The following SLC25A26 variants were observed in gnomAD, a reference collection of about 807,000 sequenced individuals.
The protein encoded by SLC25A26 is mitochondrial S-adenosylmethionine carrier protein.
SLC25A26 carries 36 observed loss-of-function variants against 37.8 expected under a neutral mutation model. The ratio of observed to expected loss-of-function variants is 0.95; its 90% CI spans 0.73 to 1.26. The LOEUF (loss-of-function observed/expected upper bound fraction) is 1.26. Ranked by LOEUF, SLC25A26 falls within the 50% of genes most tolerant of loss-of-function variation. The pLI, the probability that SLC25A26 is intolerant of heterozygous loss-of-function variation, is 0.00. For synonymous variants in SLC25A26, 129 were observed against 122.5 expected, an observed-to-expected ratio of 1.05 and a Z score of -0.35; for missense variants, 390 against 331.1, an observed-to-expected ratio of 1.18 and a Z score of -1.38.
At chr3:66,348,699 G>A (rs924677006) in intron 6 of SLC25A26, among the ~76,000 whole-genome samples, 2 of 152,202 alleles carry the variant, frequency 1.3e-5, no homozygotes, top group African/African-American at 4.8e-5. Flanking sequence ...ATTATGAGAT[G>A]TTAAGTATCA....
chr3:66,283,902 T>C (rs2074425554), intron 5 of SLC25A26, among the ~76,000 whole-genome samples: 1 of 152,258 alleles, frequency 6.6e-6, no homozygotes, highest in South Asian at 2.1e-4. Flanking sequence ...TTTTCTTTAA[T>C]GTTTCGATAA....
intron 1 of SLC25A26, among the ~76,000 whole-genome samples, chr3:66,234,921 A>C (rs1002826093): frequency 6.6e-6 from 1 of 152,260 alleles, no homozygotes; most frequent in Non-Finnish European, 1.5e-5. Context: ...AGCAAAAAAT[A>C]GCAATTTAGT....
intron 3 of SLC25A26, among the ~76,000 whole-genome samples, chr3:66,252,047 C>T (rs1457622323): frequency 6.6e-6 from 1 of 152,152 alleles, no homozygotes; most frequent in Non-Finnish European, 1.5e-5. Flanking sequence ...TTCTGAGCCA[C>T]AGGAGTGTAA....
intron 5 of SLC25A26, among the ~76,000 whole-genome samples, chr3:66,343,729 G>A (rs1026147078): frequency 7.9e-5 from 12 of 152,104 alleles, no homozygotes; most frequent in Non-Finnish European, 4.4e-5. Context: ...TTCATCTTAT[G>A]AAATATTTAC....
At chr3:66,356,006 A>G (rs1333678214) in intron 6 of SLC25A26, 6 of 455,988 alleles carry the variant, frequency 1.3e-5, no homozygotes, top group Non-Finnish European at 8.8e-6. Flanking sequence ...TAAAAAGCAT[A>G]TAGTAAAATA....
At chr3:66,315,187 G>A (rs540337939) in intron 5 of SLC25A26, among the ~76,000 whole-genome samples, 1 of 149,790 alleles carries the variant, frequency 6.7e-6, no homozygotes, top group African/African-American at 2.5e-5. Flanking sequence ...TTTACTCTCA[G>A]TTCTCTAGTT....
intron 5 of SLC25A26, among the ~76,000 whole-genome samples, chr3:66,273,829 G>C (rs1334810682): frequency 1.3e-5 from 2 of 152,098 alleles, no homozygotes; most frequent in Non-Finnish European, 2.9e-5. Flanking sequence ...ACTGCCCAAG[G>C]TAATTTTTAG....
At chr3:66,186,269 T>A (rs2070825151) in intron 1 of SLC25A26, among the ~76,000 whole-genome samples, 2 of 151,680 alleles carry the variant, frequency 1.3e-5, no homozygotes, top group African/African-American at 4.8e-5. Context: ...CCTTTCATAC[T>A]GACTGTCATC....
chr3:66,330,844 C>CATTT (rs2075957784), intron 5 of SLC25A26, among the ~76,000 whole-genome samples: 1 of 152,116 alleles, frequency 6.6e-6, no homozygotes. Flanking sequence ...GAACCACACT[C>CATTT]ATTTGCAAGG....
chr3:66,147,552 T>C (rs2070138329), intron 1 of SLC25A26, among the ~76,000 whole-genome samples: 1 of 152,106 alleles, frequency 6.6e-6, no homozygotes, highest in East Asian at 1.9e-4. Context: ...TAAATGTGTG[T>C]GCATGTGTCC....
intron 1 of SLC25A26, among the ~76,000 whole-genome samples, chr3:66,175,134 TATATATACACAC>T (rs1156378571): frequency 7.2e-3 from 520 of 72,632 alleles, no homozygotes; most frequent in Middle Eastern, 0.021. Flanking sequence ...TATATATATA[TATATATACACAC>T]ACACACACAC....
chr3:66,230,194 G>C (rs1185513286), intron 1 of SLC25A26, among the ~76,000 whole-genome samples: 1 of 118,612 alleles, frequency 8.4e-6, no homozygotes, highest in African/African-American at 3.1e-5. Context: ...GCAGGTGACT[G>C]ATCTGGTTTC....
chr3:66,234,010 C>A (rs1024405188), intron 1 of SLC25A26, among the ~76,000 whole-genome samples: 5 of 152,132 alleles, frequency 3.3e-5, no homozygotes, highest in African/African-American at 9.7e-5. Flanking sequence ...ATAATCTAGT[C>A]GCACGAGACA....
At position 66,202,383 on chromosome 3, in the gene SLC25A26, C is replaced by T. The variant is rs978976891; in HGVS notation, c.-353-18359C>T. ...TCATGGGGGTGCGGGTGCAAGGGGA[C>T]GGATAGCATTAGAAGAAATACCAAA... On this transcript the variant is annotated intron_variant, in intron 1 of 10. Coordinates refer to the SLC25A26 transcript ENST00000676754. 1.8e-4 allele frequency among the ~76,000 whole-genome samples: 28 copies of T among 151,928 alleles called. No individual in the cohort carries two copies. In the East Asian group the frequency reaches 3.5e-3, roughly 19 times the overall value.
chr3:66,187,434 C>T (rs2070850067), intron 1 of SLC25A26, among the ~76,000 whole-genome samples: 3 of 152,130 alleles, frequency 2.0e-5, no homozygotes, highest in South Asian at 4.2e-4. Context: ...CGGATTTGGC[C>T]ATCACCCTGC....
chr3:66,340,482 C>T (rs56208272), intron 5 of SLC25A26, among the ~76,000 whole-genome samples: 18,962 of 151,846 alleles, frequency 0.12, 2,251 homozygotes, highest in East Asian at 0.65. Context: ...CCAGAAATTT[C>T]CTCCTATCCA....
intron 1 of SLC25A26, among the ~76,000 whole-genome samples, chr3:66,167,878 G>C (rs147190685): frequency 0.36 from 54,055 of 151,814 alleles, 9,815 homozygotes; most frequent in Non-Finnish European, 0.38. Context: ...CTCTGGCTGG[G>C]TGCAGTGGCT....
chr3:66,135,477 T>C (rs1384273629), intron 1 of SLC25A26, among the ~76,000 whole-genome samples: 1 of 152,158 alleles, frequency 6.6e-6, no homozygotes, highest in Non-Finnish European at 1.5e-5. Context: ...TTGTTAATTG[T>C]GAACAATTGG....
intron 6 of SLC25A26, among the ~76,000 whole-genome samples, chr3:66,361,219 A>G (rs552632151): frequency 2.5e-4 from 38 of 152,364 alleles, no homozygotes; most frequent in Admixed American, 5.9e-4. Context: ...TTCAATCTAC[A>G]TATTGTACCA....
Sources: allele counts gnomAD v4.1 joint callset (sites outside exome capture counted in the v4.1 genomes callset), GRCh38; gene constraint gnomAD v4.1.1; transcripts MANE v1.5; gene names NCBI Gene and HGNC (gene_info 2026-07-23, HGNC 2026-07-21).